The following ATP10B variants were observed in gnomAD, a reference collection of about 807,000 sequenced individuals.
ATP10B encodes the protein phospholipid-transporting ATPase VB.
ATP10B carries 122 observed loss-of-function variants against 141.2 expected under a neutral mutation model. The ratio of observed to expected loss-of-function variants is 0.86; its 90% CI spans 0.75 to 1.00. ATP10B has a LOEUF of 1.00. ATP10B is among the 50% of genes least tolerant of loss of function. ATP10B has a pLI of 0.00. For synonymous variants in ATP10B, 685 were observed against 692.0 expected (o/e 0.99, Z 0.16); for missense variants, 1,876 against 1,825.3 (o/e 1.03, Z -0.51).
chr5:160,766,442 A>G (rs1209446091), intron 2 of ATP10B, among the ~76,000 whole-genome samples: 4 of 151,318 alleles, frequency 2.6e-5, no homozygotes, highest in Non-Finnish European at 1.5e-5. Flanking sequence ...AGGCATTCAC[A>G]GCAACCTGAA....
At chr5:160,740,191 G>A (rs1344864995) in intron 2 of ATP10B, among the ~76,000 whole-genome samples, 2 of 152,066 alleles carry the variant, frequency 1.3e-5, no homozygotes, top group Non-Finnish European at 2.9e-5. Context: ...TAACTATCTG[G>A]GGTTGTGAAA....
chr5:160,616,077 T>A, intron 16 of ATP10B, 113 bp from the exon 17 acceptor site: 1 of 1,151,384 alleles, frequency 8.7e-7, no homozygotes, highest in Non-Finnish European at 1.2e-6. Context: ...CCCTACATAA[T>A]TAGATGGGGC....
intron 2 of ATP10B, among the ~76,000 whole-genome samples, chr5:160,754,628 C>T (rs1768387193): frequency 1.3e-5 from 2 of 152,166 alleles, no homozygotes. Flanking sequence ...GACAAGGCCA[C>T]CAATGTCACC....
At chr5:160,903,705 T>C in the ATP10B span, among the ~76,000 whole-genome samples, 11 of 152,162 alleles carry the variant, frequency 7.2e-5, no homozygotes, top group African/African-American at 2.7e-4. Flanking sequence ...TTGACAAAAA[T>C]GCAGCACAGC....
chr5:160,918,151 G>A, the ATP10B span, among the ~76,000 whole-genome samples: 1 of 152,208 alleles, frequency 6.6e-6, no homozygotes. Context: ...GAGCACCTAT[G>A]GGGTGCCAGA....
chr5:160,640,290 A>C (rs1242312370), intron 10 of ATP10B, among the ~76,000 whole-genome samples, 171 bp downstream of exon 10: 1 of 152,248 alleles, frequency 6.6e-6, no homozygotes, highest in African/African-American at 2.4e-5. Flanking sequence ...TAAAGAACAC[A>C]TACTACTTTT....
chr5:160,693,403 AACACACACACACACACACAC>A (rs3075585), intron 3 of ATP10B, among the ~76,000 whole-genome samples: 7,953 of 125,678 alleles, frequency 0.063, 310 homozygotes, highest in Non-Finnish European at 0.09. Flanking sequence ...TGGGTCAGAA[AACACACACACACACACACAC>A]ACACACACAC....
At chr5:160,704,217 A>AT (rs145559713) in intron 3 of ATP10B, among the ~76,000 whole-genome samples, 4,115 of 149,054 alleles carry the variant, frequency 0.028, 195 homozygotes, top group African/African-American at 0.095. Flanking sequence ...ATGCGTGGCT[A>AT]TTTTTTTTTT....
intron 15 of ATP10B, 137 bp from the exon 16 acceptor site, chr5:160,618,110 G>T: frequency 1.4e-6 from 1 of 702,880 alleles, no homozygotes; most frequent in Non-Finnish European, 2.5e-6. Context: ...TTAGAAACCT[G>T]AAGGAGCTCT....
At chr5:160,905,541 T>C in the ATP10B span, among the ~76,000 whole-genome samples, 1 of 152,180 alleles carries the variant, frequency 6.6e-6, no homozygotes, top group African/African-American at 2.4e-5. Context: ...TGAAACTGTA[T>C]GTGACATATT....
At chr5:160,859,843 C>G in the ATP10B span, among the ~76,000 whole-genome samples, 2 of 151,770 alleles carry the variant, frequency 1.3e-5, no homozygotes, top group Non-Finnish European at 2.9e-5. Context: ...AGGGTAACTC[C>G]ATTTATAAAT....
At chr5:160,719,761 T>A (rs1354636837) in intron 2 of ATP10B, among the ~76,000 whole-genome samples, 1 of 152,234 alleles carries the variant, frequency 6.6e-6, no homozygotes, top group African/African-American at 2.4e-5. Flanking sequence ...GAGTAGATTA[T>A]CTCTAATACT....
intron 12 of ATP10B, chr5:160,633,983 G>A (rs1000638110): frequency 5.4e-6 from 2 of 371,824 alleles, no homozygotes; most frequent in Admixed American, 3.8e-5. Context: ...GACATGTCAG[G>A]TAAGGTGGCC....
chr5:160,698,702 C>T (rs991326810), intron 3 of ATP10B, among the ~76,000 whole-genome samples: 1 of 151,408 alleles, frequency 6.6e-6, no homozygotes, highest in Non-Finnish European at 1.5e-5. Flanking sequence ...TATATATATA[C>T]ATGGAAAGGT....
chr5:160,649,967 G>C (rs1485090891), intron 7 of ATP10B, among the ~76,000 whole-genome samples: 1 of 151,840 alleles, frequency 6.6e-6, no homozygotes, highest in Non-Finnish European at 1.5e-5. Context: ...AAATTAGCCA[G>C]GCATGGTGGT....
chr5:160,870,354 G>A, the ATP10B span, among the ~76,000 whole-genome samples: 22 of 151,780 alleles, frequency 1.4e-4, no homozygotes, highest in African/African-American at 5.3e-4. Flanking sequence ...CAGCTATAAT[G>A]GATATGATGA....
intron 1 of ATP10B, among the ~76,000 whole-genome samples, chr5:160,818,247 T>C (rs1307326067): frequency 6.6e-6 from 1 of 152,122 alleles, no homozygotes; most frequent in East Asian, 1.9e-4. Context: ...TGCAATCTAC[T>C]CATCTGACAA....
intron 7 of ATP10B, among the ~76,000 whole-genome samples, chr5:160,653,773 CATATAT>C (rs1265788322): frequency 5.2e-5 from 6 of 115,520 alleles, no homozygotes; most frequent in South Asian, 5.0e-4. Flanking sequence ...ATAATATATA[CATATAT>C]ACATATATAT....
chr5:160,699,088 C>T (rs752390759), intron 3 of ATP10B, among the ~76,000 whole-genome samples: 17 of 152,182 alleles, frequency 1.1e-4, no homozygotes, highest in Non-Finnish European at 2.4e-4. Flanking sequence ...CTTGAAAACT[C>T]GAACTACCTT....
Sources: gnomAD v4.1 joint callset for allele counts (sites outside exome capture counted in the v4.1 genomes callset) on GRCh38, gnomAD v4.1.1 for gene constraint, MANE v1.5 for transcripts, NCBI Gene and HGNC (gene_info 2026-07-23, HGNC 2026-07-21) for gene names.